ADARB1: variants seen among roughly 807,000 people sequenced by gnomAD.
ADARB1 encodes double-stranded RNA-specific editase 1.
A neutral mutation model predicts 52.4 loss-of-function variants in ADARB1; 10 were observed. The ratio of observed to expected loss-of-function variants is 0.19; its 90% confidence interval spans 0.12 to 0.32. The LOEUF is 0.32. Ranked by LOEUF, ADARB1 falls within the 10% of genes least tolerant of loss-of-function variation. ADARB1 has a pLI of 1.00. For synonymous variants in ADARB1, 349 were observed against 371.1 expected, an observed-to-expected ratio of 0.94 and a Z score of 0.68; for missense variants, 643 against 922.3, an observed-to-expected ratio of 0.70 and a Z score of 3.92.
At chr21:45,141,812 A>G (rs923913418) in intron 2 of ADARB1, among the ~76,000 whole-genome samples, 1 of 150,654 alleles carries the variant, frequency 6.6e-6, no homozygotes, top group East Asian at 2.0e-4. Context: ...CATGTTAACT[A>G]CCACAGGATC....
intron 2 of ADARB1, among the ~76,000 whole-genome samples, chr21:45,164,078 T>C (rs2091124796): frequency 6.6e-6 from 1 of 152,234 alleles, no homozygotes; most frequent in Non-Finnish European, 1.5e-5. Flanking sequence ...GTTCATGCTT[T>C]TTCCTTCTGG....
In ADARB1 at chr21:45,225,671, C is replaced by A; in HGVS notation, c.*3474C>A. On this transcript the variant is annotated 3_prime_UTR_variant, in exon 11 of 11. Transcript: ENST00000348831. The stretch of plus-strand genomic sequence containing the variant: ...CTCAAAACAAACACATGTACAGTGG[C>A]TCTTTTTCCTTCTCAAACACTTTAC... 1 of 961,130 alleles carries A rather than the reference C, an allele frequency of 1.0e-6. No individual in the cohort carries two copies. 59.5% of individuals were successfully genotyped at this position (961,130 alleles called of 1,614,324 possible).
intron 2 of ADARB1, among the ~76,000 whole-genome samples, chr21:45,129,225 T>C (rs2088782403): frequency 6.6e-6 from 1 of 151,552 alleles, no homozygotes; most frequent in African/African-American, 2.4e-5. Context: ...CAAGACTCTT[T>C]CTCAAAAAAA....
intron 8 of ADARB1, among the ~76,000 whole-genome samples, chr21:45,194,596 C>T (rs1394678828): frequency 6.6e-6 from 1 of 152,068 alleles, no homozygotes; most frequent in Non-Finnish European, 1.5e-5. Context: ...TCACCCCTCT[C>T]ACCTCCTAAC....
chr21:45,168,136 C>T (rs767443655), intron 2 of ADARB1, among the ~76,000 whole-genome samples: 8 of 152,172 alleles, frequency 5.3e-5, no homozygotes, highest in Non-Finnish European at 8.8e-5. Flanking sequence ...GTTTATTTTC[C>T]ATCTGTAGAT....
chr21:45,175,117 A>G (rs2091641253), intron 3 of ADARB1, among the ~76,000 whole-genome samples: 1 of 152,264 alleles, frequency 6.6e-6, no homozygotes, highest in African/African-American at 2.4e-5. Flanking sequence ...ACACAATTAC[A>G]TAAGCAGCTT....
chr21:45,078,200 T>C (rs1392401169), intron 1 of ADARB1, among the ~76,000 whole-genome samples: 2 of 152,204 alleles, frequency 1.3e-5, no homozygotes, highest in African/African-American at 4.8e-5. Context: ...GGGATGAAAG[T>C]AACTCTGAGA....
chr21:45,219,147 A>G (rs979555577), intron 9 of ADARB1, among the ~76,000 whole-genome samples: 1 of 152,378 alleles, frequency 6.6e-6, no homozygotes. Flanking sequence ...GTTTAAAGAT[A>G]TAAACATTAT....
intron 2 of ADARB1, among the ~76,000 whole-genome samples, chr21:45,159,452 T>C (rs1345201268): frequency 1.3e-5 from 2 of 152,210 alleles, no homozygotes; most frequent in Non-Finnish European, 2.9e-5. Flanking sequence ...ATCATCATCC[T>C]TGAAGCTAAA....
At chr21:45,107,790 T>A (rs1055226021) in intron 1 of ADARB1, among the ~76,000 whole-genome samples, 3 of 152,166 alleles carry the variant, frequency 2.0e-5, no homozygotes, top group South Asian at 2.1e-4. Flanking sequence ...AAGGCTTTTT[T>A]AAAGGCGTAA....
chr21:45,110,749 AAAAACT>A (rs1269005048), intron 1 of ADARB1, among the ~76,000 whole-genome samples: 1 of 152,254 alleles, frequency 6.6e-6, no homozygotes, highest in East Asian at 1.9e-4. Flanking sequence ...CCATTATTTT[AAAAACT>A]AATAAACATT....
intron 4 of ADARB1, chr21:45,177,094 A>G (rs2091728266): frequency 1.3e-5 from 2 of 159,594 alleles, no homozygotes; most frequent in African/African-American, 4.8e-5. Context: ...CACATTCAAG[A>G]TAAGTGACAC....
In ADARB1 at chr21:45,152,266, C is replaced by T. The variant is rs141904716; in HGVS notation, c.-47-19344C>T. Among the ~76,000 whole-genome samples, 297 of 152,234 alleles carry T rather than the reference C, an allele frequency of 2.0e-3. 1 individual carries two copies. The highest frequency in any genetic ancestry group is 6.6e-3 in the African/African-American group (273 of 41,536). On this transcript the variant is annotated intron_variant, in intron 2 of 10. Coordinates refer to ENST00000348831, the MANE Select transcript of ADARB1 (RefSeq NM_001112.4). Reference sequence around the variant, plus strand: ...TTTCCATTTAAACAGGACTTTGGTACGTCTGCTGTGGGAGATTTGTTTCCC... The same window carrying T: ...TTTCCATTTAAACAGGACTTTGGTATGTCTGCTGTGGGAGATTTGTTTCCC...
chr21:45,171,458 C>T lies in ADARB1; in HGVS notation c.-47-152C>T, dbSNP rs2091479746. The T allele has an allele frequency of 8.4e-6, 5 of 596,070 alleles. No individual in the cohort carries two copies. The South Asian group carries it at 8.5e-5, about 10-fold the overall frequency. The allele number at this position is 596,070 out of a possible 1,614,324, so 36.9% of individuals were successfully genotyped here. ...AGGAGGAGTATTTTGTACCAGATGGCAGATCTGACTTCTCTAACAAGACCT... is the reference window on the plus strand; with the variant it reads ...AGGAGGAGTATTTTGTACCAGATGGTAGATCTGACTTCTCTAACAAGACCT... On this transcript the variant is annotated intron_variant, in intron 2 of 10. Transcript: ENST00000348831.
intron 2 of ADARB1, among the ~76,000 whole-genome samples, chr21:45,163,599 G>A (rs1225648634): frequency 6.6e-6 from 1 of 151,884 alleles, no homozygotes; most frequent in African/African-American, 2.4e-5. Context: ...TGGGGACGCT[G>A]ACTCTGGGCC....
At chr21:45,184,592 A>T in intron 7 of ADARB1, 1 of 329,682 alleles carries the variant, frequency 3.0e-6, no homozygotes, top group Non-Finnish European at 5.9e-6. Context: ...CTGGGACTAC[A>T]GGCATGTACC....
chr21:45,127,187 A>T (rs2088638065), intron 1 of ADARB1, among the ~76,000 whole-genome samples: 1 of 152,100 alleles, frequency 6.6e-6, no homozygotes, highest in South Asian at 2.1e-4. Context: ...GAGTGGAGGC[A>T]ACGCTGAAGG....
intron 1 of ADARB1, among the ~76,000 whole-genome samples, chr21:45,102,957 C>T (rs975056968): frequency 3.9e-5 from 6 of 152,202 alleles, no homozygotes; most frequent in African/African-American, 1.2e-4. Flanking sequence ...TGGTCAGTCA[C>T]GGTGACAGGG....
At chr21:45,097,555 C>T (rs369590906) in intron 1 of ADARB1, among the ~76,000 whole-genome samples, 2 of 151,900 alleles carry the variant, frequency 1.3e-5, no homozygotes, top group African/African-American at 2.4e-5. Flanking sequence ...GCCGAGGGGC[C>T]GCTGTCCAGG....
Sources: gnomAD v4.1 joint callset for allele counts (sites outside exome capture counted in the v4.1 genomes callset) on GRCh38, gnomAD v4.1.1 for gene constraint, MANE v1.5 for transcripts, NCBI Gene and HGNC (gene_info 2026-07-23, HGNC 2026-07-21) for gene names.